The following ANKIB1 variants were observed in gnomAD, a reference collection of about 807,000 sequenced individuals.
The protein encoded by ANKIB1 is ankyrin repeat and IBR domain containing 1, also known as ankyrin repeat and IBR domain-containing protein 1.
ANKIB1 carries 43 observed loss-of-function variants against 122.1 expected under a neutral mutation model. The observed-to-expected ratio is 0.35, with a 90% CI of 0.28 to 0.45. ANKIB1 has a LOEUF of 0.45. ANKIB1 is among the 20% of genes least tolerant of loss of function. ANKIB1 has a pLI of 1.00. For synonymous variants in ANKIB1, 390 were observed against 442.0 expected, an observed-to-expected ratio of 0.88 and a Z score of 1.48; for missense variants, 992 against 1,329.5, an observed-to-expected ratio of 0.75 and a Z score of 3.95.
At chr7:92,371,953 GTGTGTGT>G (rs1562795566) in intron 11 of ANKIB1, among the ~76,000 whole-genome samples, 208 of 6,366 alleles carry the variant, frequency 0.033, 1 homozygote, top group Middle Eastern at 0.1. Context: ...AGAGAGGGGT[GTGTGTGT>G]GTGTGTGTGT....
Position 92,327,877 on chromosome 7 carries a change from C to T in ANKIB1, c.764C>T (p.Ala255Val). 6.3e-7 allele frequency: 1 copy of T among 1,588,918 alleles called. No individual in the cohort carries two copies. The highest frequency in any genetic ancestry group is 8.5e-7 in the Non-Finnish European group (1 of 1,171,850). The change falls in exon 5 of 20, where the codon GCT becomes GTT. Residue 255 changes from alanine (A) to valine (V), a missense_variant. Coordinates refer to ENST00000265742, the MANE Select transcript of ANKIB1 (RefSeq NM_019004.2). ...ADMLQAPLFT[A>V]EALLRAHDWD... The stretch of plus-strand genomic sequence containing the variant: ...ATGCTTCAGGCTCCTCTCTTTACTG[C>T]TGAAGCTTTACTTCGAGCTCATGGT...
intron 1 of ANKIB1, among the ~76,000 whole-genome samples, chr7:92,265,623 A>T (rs1270920829): frequency 6.6e-6 from 1 of 152,208 alleles, no homozygotes; most frequent in Non-Finnish European, 1.5e-5. Context: ...AGACGAATGA[A>T]GCTGTTGAAG....
intron 9 of ANKIB1, among the ~76,000 whole-genome samples, chr7:92,357,347 A>G (rs1803836902): frequency 6.6e-6 from 1 of 151,980 alleles, no homozygotes. Context: ...TCCCCTCCCC[A>G]TACTCTTGTT....
chr7:92,376,286 C>G (rs1348895298), intron 11 of ANKIB1, among the ~76,000 whole-genome samples: 1 of 152,102 alleles, frequency 6.6e-6, no homozygotes, highest in African/African-American at 2.4e-5. Context: ...CTATGAAAAT[C>G]CTAGATGGCA....
At chr7:92,371,175 C>CT (rs34197906) in intron 10 of ANKIB1, among the ~76,000 whole-genome samples, 27 of 146,108 alleles carry the variant, frequency 1.8e-4, no homozygotes, top group Admixed American at 6.8e-4. Context: ...TAATATGTTG[C>CT]TTTTTTTTTT....
chr7:92,374,444 C>T (rs539252956), intron 11 of ANKIB1, among the ~76,000 whole-genome samples: 1 of 152,206 alleles, frequency 6.6e-6, no homozygotes, highest in Admixed American at 6.5e-5. Flanking sequence ...TGCCATTGCA[C>T]TCCAGCGTGG....
In ANKIB1 at chr7:92,396,458, C is replaced by A; in HGVS notation, c.2377C>A (p.Pro793Thr). 3 of 1,580,312 alleles carry A rather than the reference C, an allele frequency of 1.9e-6. No homozygotes were observed. Among genetic ancestry groups the A allele is most frequent in the Non-Finnish European group, 2.6e-6 (3 of 1,159,498 alleles). The change falls in exon 18 of 20, where the codon CCA becomes ACA. Residue 793 changes from proline (P) to threonine (T), a missense_variant. Physicochemically the swap from Pro to Thr is conservative, Grantham distance 38. This residue lies in a region of ANKIB1 where 384 missense variants were observed against 412.0 expected (regional missense o/e 0.93). Transcript: ENST00000265742. ...LLSNPPDPDE[P>T]SESTLDIPEG... Reference sequence around the variant, plus strand: ...CAGTAATCCTCCAGACCCTGATGAGCCAAGTGAAAGCACTTTAGGTAAGTC... The same window carrying A: ...CAGTAATCCTCCAGACCCTGATGAGACAAGTGAAAGCACTTTAGGTAAGTC...
At chr7:92,246,812 C>T (rs1801080346) in intron 1 of ANKIB1, among the ~76,000 whole-genome samples, 2 of 152,208 alleles carry the variant, frequency 1.3e-5, no homozygotes, top group Non-Finnish European at 2.9e-5. Flanking sequence ...CTGTGTCCTT[C>T]CTCGCAGCCT....
chr7:92,364,711 T>G (rs1034927608), intron 10 of ANKIB1, among the ~76,000 whole-genome samples: 1 of 152,204 alleles, frequency 6.6e-6, no homozygotes. Flanking sequence ...TGTTTGAATT[T>G]ATCCTCCTAA....
At position 92,363,321 on chromosome 7, in the gene ANKIB1, G is replaced by A. The variant is rs547113473; in HGVS notation, c.1486+1048G>A. On this transcript the variant is annotated intron_variant, in intron 10 of 19. Coordinates refer to ENST00000265742, the MANE Select transcript of ANKIB1 (RefSeq NM_019004.2). ...AGCTACTTGGGAGGCTGAGGCAGGA[G>A]AATTGCTTGAACCCAGGAGGTGGAG... 2.6e-5 allele frequency among the ~76,000 whole-genome samples: 4 copies of A among 152,236 alleles called. No individual in the cohort carries two copies. In the East Asian group the frequency reaches 7.7e-4, roughly 29 times the overall value.
At chr7:92,286,968 C>G (rs570753209) in intron 1 of ANKIB1, among the ~76,000 whole-genome samples, 5 of 152,138 alleles carry the variant, frequency 3.3e-5, no homozygotes, top group Admixed American at 6.5e-5. Flanking sequence ...CCTGATTAAC[C>G]CTAGTAACCT....
At position 92,329,791 on chromosome 7, in the gene ANKIB1, C is replaced by T. The variant is rs927674456; in HGVS notation, c.787+1891C>T. Among the ~76,000 whole-genome samples, 7 of 152,302 alleles carry T rather than the reference C, an allele frequency of 4.6e-5. No individual in the cohort carries two copies. The East Asian group carries it at 1.2e-3, about 25-fold the overall frequency. Reference sequence around the variant, plus strand: ...CTAATTATCTTTCAGCCTCCCTTCACTCTCCCTAGCTCTTTCAATTCCACT... The same window carrying T: ...CTAATTATCTTTCAGCCTCCCTTCATTCTCCCTAGCTCTTTCAATTCCACT... On this transcript the variant is annotated intron_variant, in intron 5 of 19. Transcript: ENST00000265742.
At chr7:92,252,542 A>G (rs1293791108) in intron 1 of ANKIB1, among the ~76,000 whole-genome samples, 2 of 149,110 alleles carry the variant, frequency 1.3e-5, no homozygotes, top group East Asian at 3.9e-4. Context: ...ACCCACCACC[A>G]CTCCCAGCTC....
chr7:92,261,544 G>T (rs1268698588), intron 1 of ANKIB1, among the ~76,000 whole-genome samples: 1 of 152,008 alleles, frequency 6.6e-6, no homozygotes, highest in Non-Finnish European at 1.5e-5. Flanking sequence ...TATGCATTTT[G>T]CTTTTAGATG....
chr7:92,359,686 A>G (rs569068593), intron 9 of ANKIB1, among the ~76,000 whole-genome samples: 2 of 152,196 alleles, frequency 1.3e-5, no homozygotes, highest in Non-Finnish European at 2.9e-5. Context: ...ACTCCCACCA[A>G]CAGTGTAAAA....
chr7:92,286,397 T>C lies in ANKIB1; in HGVS notation c.-90-8492T>C, dbSNP rs116474607. Among the ~76,000 whole-genome samples, 1,478 of 152,248 alleles carry C rather than the reference T, an allele frequency of 9.7e-3. 32 individuals are homozygous for C. The highest frequency in any genetic ancestry group is 0.034 in the African/African-American group (1,409 of 41,548). ...CAAAAATCATAGTAAATAGCATTGA[T>C]TTTTCTTGGTGTGGCCTTTCTATTT... On this transcript the variant is annotated intron_variant, in intron 1 of 19. Transcript: ENST00000265742.
At chr7:92,361,849 C>T (rs372414488) in intron 9 of ANKIB1, among the ~76,000 whole-genome samples, 9 of 151,410 alleles carry the variant, frequency 5.9e-5, no homozygotes, top group Admixed American at 5.9e-4. Context: ...CACTCTTGTT[C>T]CCCAGGCTGG....
In ANKIB1 at chr7:92,387,410, C is replaced by CAGAT. The variant is rs571437151; in HGVS notation, c.1753-387_1753-384dup. Among the ~76,000 whole-genome samples, 18 of 152,084 alleles carry CAGAT rather than the reference C, an allele frequency of 1.2e-4. No homozygotes were observed. In the South Asian group the frequency reaches 2.9e-3, roughly 25 times the overall value. ...AGCACTTTTGGGAGGCCGAGGCAGGCAGATCACTTGAGGTCAGGAGTTCAA... is the reference window on the plus strand; with the variant it reads ...AGCACTTTTGGGAGGCCGAGGCAGGCAGATAGATCACTTGAGGTCAGGAGTTCAA... On this transcript the variant is annotated intron_variant, in intron 12 of 19. Coordinates refer to ENST00000265742, the MANE Select transcript of ANKIB1 (RefSeq NM_019004.2).
chr7:92,259,418 AT>A (rs1185901382), intron 1 of ANKIB1, among the ~76,000 whole-genome samples: 39 of 151,886 alleles, frequency 2.6e-4, no homozygotes, highest in African/African-American at 8.7e-4. Flanking sequence ...CCCTAATTGG[AT>A]TTCTGGCTTT....
Sources: allele counts gnomAD v4.1 joint callset (sites outside exome capture counted in the v4.1 genomes callset), GRCh38; gene constraint gnomAD v4.1.1; regional missense constraint gnomAD v4.1.1; transcripts MANE v1.5; gene names NCBI Gene and HGNC (gene_info 2026-07-23, HGNC 2026-07-21).